The following BIRC6 variants were observed in gnomAD, a reference collection of about 807,000 sequenced individuals.
BIRC6 encodes baculoviral IAP repeat containing 6.
BIRC6 carries 98 observed loss-of-function variants against 503.3 expected under a neutral mutation model. The observed-to-expected ratio is 0.19, with a 90% CI of 0.17 to 0.23. The LOEUF (loss-of-function observed/expected upper bound fraction) is 0.23, where lower values mean the gene tolerates loss of function less well. Among genes scored for constraint, BIRC6 ranks in the 10% least tolerant of loss-of-function variants. The pLI is 1.00. For synonymous variants in BIRC6, 2,240 were observed against 2,078.7 expected (o/e 1.08, Z -2.11); for missense variants, 5,360 against 5,806.0 (o/e 0.92, Z 2.50).
chr2:32,581,260 A>C (rs1022886477), intron 66 of BIRC6, among the ~76,000 whole-genome samples: 2 of 152,192 alleles, frequency 1.3e-5, no homozygotes, highest in Admixed American at 6.5e-5. Flanking sequence ...TGGAACACTT[A>C]TACAACATTA....
In BIRC6 at chr2:32,611,478, G is replaced by A. The variant is rs1416029274; in HGVS notation, c.14290G>A (p.Val4764Ile). The A allele has an allele frequency of 6.2e-7, 1 of 1,609,538 alleles. No individual in the cohort carries two copies. Among genetic ancestry groups the A allele is most frequent in the Non-Finnish European group, 8.5e-7 (1 of 1,177,258 alleles). Residue 4764 changes from valine (V) to isoleucine (I), a missense_variant, in exon 73 of 74, where the codon GTT (valine) becomes ATT (isoleucine). Transcript: ENST00000421745. ...VIHKHFYLKR[V>I]EIMAQCEEWI... ...ACACAAACATTTTTACTTGAAAAGA[G>A]TTGAGATAATGGCCCAATGTGAGGA...
intron 8 of BIRC6, among the ~76,000 whole-genome samples, chr2:32,404,667 A>AAT (rs964223826): frequency 9.2e-4 from 139 of 151,592 alleles, no homozygotes; most frequent in African/African-American, 2.9e-3. Flanking sequence ...TGATTTTACA[A>AAT]ATATATATAT....
chr2:32,479,171 A>C (rs1294376146), intron 36 of BIRC6, among the ~76,000 whole-genome samples: 1 of 152,194 alleles, frequency 6.6e-6, no homozygotes, highest in Non-Finnish European at 1.5e-5. Flanking sequence ...TAATAAGGAT[A>C]ATCTTTGTAT....
At chr2:32,473,701 T>C (rs2149044462) in intron 33 of BIRC6, among the ~76,000 whole-genome samples, 1 of 145,786 alleles carries the variant, frequency 6.9e-6, no homozygotes, top group Middle Eastern at 3.6e-3. Flanking sequence ...TTTTTTCTCC[T>C]TTTTCGTGTG....
At chr2:32,575,885 G>T (rs1433643904) in intron 66 of BIRC6, among the ~76,000 whole-genome samples, 1 of 152,106 alleles carries the variant, frequency 6.6e-6, no homozygotes, top group African/African-American at 2.4e-5. Context: ...TGCTTATTCA[G>T]TATCTCCCTG....
chr2:32,515,907 T>C, intron 55 of BIRC6, 137 bp downstream of exon 55: 3 of 759,308 alleles, frequency 4.0e-6, no homozygotes, highest in Non-Finnish European at 6.2e-6. Context: ...AGTACTGATA[T>C]CTCCTTTCTC....
intron 44 of BIRC6, among the ~76,000 whole-genome samples, chr2:32,492,704 T>C (rs1484768018): frequency 1.3e-5 from 2 of 152,080 alleles, no homozygotes; most frequent in Admixed American, 6.5e-5. Context: ...AATAACTTTT[T>C]AAAACTTTTT....
At chr2:32,538,641 C>T (rs1365375179) in intron 61 of BIRC6, among the ~76,000 whole-genome samples, 3 of 152,198 alleles carry the variant, frequency 2.0e-5, no homozygotes, top group African/African-American at 7.2e-5. Context: ...CAACAATGTA[C>T]AGTGTATGGC....
At chr2:32,509,418 C>G (rs1389315336) in intron 51 of BIRC6, among the ~76,000 whole-genome samples, 1 of 152,034 alleles carries the variant, frequency 6.6e-6, no homozygotes, top group Non-Finnish European at 1.5e-5. Context: ...CCATGCCCAA[C>G]TAATCTTTGT....
At chr2:32,408,537 C>G (rs1347784729) in intron 9 of BIRC6, among the ~76,000 whole-genome samples, 1 of 152,102 alleles carries the variant, frequency 6.6e-6, no homozygotes, top group Non-Finnish European at 1.5e-5. Flanking sequence ...GGAACCTTTC[C>G]TTTGTGTGCT....
intron 66 of BIRC6, among the ~76,000 whole-genome samples, chr2:32,592,540 T>G (rs2061448378): frequency 6.6e-6 from 1 of 152,166 alleles, no homozygotes; most frequent in Admixed American, 6.5e-5. Context: ...TTTGTTTTTG[T>G]GACAAGGAAA....
In BIRC6 at chr2:32,611,568, G is replaced by A. The variant is rs752068546; in HGVS notation, c.14380G>A (p.Ala4794Thr). The stretch of plus-strand genomic sequence containing the variant: ...GGTAGGCAGGACTATGTCTCACCAT[G>A]CAGCAGCTCTCAAGGTGAGTAAGCC... Reference protein sequence around the residue: ...KRVGRTMSHHAAALKRHTAQL... With the variant: ...KRVGRTMSHHTAALKRHTAQL... Residue 4794 changes from alanine to threonine, a missense_variant, in exon 73 of 74, where the codon GCA becomes ACA. This residue lies in a region of BIRC6 where 140 missense variants were observed against 130.2 expected (regional missense o/e 1.07). Transcript: ENST00000421745. 1.9e-6 allele frequency: 3 copies of A among 1,585,520 alleles called. No individual in the cohort carries two copies. In the East Asian group the frequency reaches 6.9e-5, roughly 36 times the overall value.
chr2:32,398,337 A>G (rs558969261), intron 6 of BIRC6, among the ~76,000 whole-genome samples: 1 of 152,304 alleles, frequency 6.6e-6, no homozygotes, highest in Admixed American at 6.5e-5. Context: ...CTATGTTCAT[A>G]TAATAGACTG....
Position 32,450,437 on chromosome 2 carries a change from G to T in BIRC6, c.4618+1509G>T, listed in dbSNP as rs146400292. On this transcript the variant is annotated intron_variant, in intron 22 of 73. Transcript: ENST00000421745. ...AGATAGCGTCACTGCACTCCAGCCC[G>T]GGCGAAAGAGTGAGACTCCGCCTCA... is the stretch of plus-strand genomic sequence containing the variant. Among the ~76,000 whole-genome samples, 1,028 of 152,066 alleles carry T rather than the reference G, an allele frequency of 6.8e-3. 6 individuals carry two copies. The highest frequency in any genetic ancestry group is 0.02 in the Middle Eastern group (6 of 294).
chr2:32,502,824 G>A lies in BIRC6; in HGVS notation c.9237G>A (p.Glu3079=). 1 of 1,612,526 alleles carries A rather than the reference G, an allele frequency of 6.2e-7. No homozygotes were observed. Among genetic ancestry groups the A allele is most frequent in the South Asian group, 1.1e-5 (1 of 90,790 alleles). ...QGSLATCQLS[E]PLLWFILRVL... ...CTCTTGCTACTTGCCAGTTATCTGAGCCATTATTGTGGTTCATTTTGAGAG... is the reference window on the plus strand; with the variant it reads ...CTCTTGCTACTTGCCAGTTATCTGAACCATTATTGTGGTTCATTTTGAGAG... Residue 3079 remains glutamate, a synonymous_variant, in exon 48 of 74, where the codon GAG becomes GAA. Transcript: ENST00000421745.
At chr2:32,577,823 A>G (rs1201389780) in intron 66 of BIRC6, among the ~76,000 whole-genome samples, 2 of 152,194 alleles carry the variant, frequency 1.3e-5, no homozygotes, top group Non-Finnish European at 2.9e-5. Flanking sequence ...TTATTTTTCT[A>G]TTTGATTAAC....
chr2:32,448,565 C>G (rs1445820449), intron 21 of BIRC6, among the ~76,000 whole-genome samples: 1 of 152,028 alleles, frequency 6.6e-6, no homozygotes, highest in East Asian at 1.9e-4. Flanking sequence ...GCAGGAGAAT[C>G]AGGCAGGGAG....
At chr2:32,434,638 AGGAATTTGAGACCAGCCTG>A (rs2044492471) in intron 13 of BIRC6, among the ~76,000 whole-genome samples, 1 of 152,196 alleles carries the variant, frequency 6.6e-6, no homozygotes, top group South Asian at 2.1e-4. Context: ...ACTTTAGCCC[AGGAATTTGAGACCAGCCTG>A]GGAAGTATAG....
At chr2:32,494,610 T>C (rs62136307) in intron 45 of BIRC6, among the ~76,000 whole-genome samples, 32,675 of 151,630 alleles carry the variant, frequency 0.22, 3,616 homozygotes, top group Admixed American at 0.27. Context: ...CCCATTAATA[T>C]AAGGAATAGG....
Sources: allele counts gnomAD v4.1 joint callset (sites outside exome capture counted in the v4.1 genomes callset), GRCh38; gene constraint gnomAD v4.1.1; regional missense constraint gnomAD v4.1.1; transcripts MANE v1.5; gene names NCBI Gene and HGNC (gene_info 2026-07-23, HGNC 2026-07-21).